Variants in RIT2 observed in about 807,000 individuals in gnomAD.
RIT2 encodes GTP-binding protein Rit2.
In RIT2, 24 loss-of-function variants were observed where a neutral mutation model predicts 23.7. The ratio of observed to expected loss-of-function variants is 1.01; its 90% CI spans 0.73 to 1.43. The LOEUF is 1.43. Ranked by LOEUF, RIT2 falls within the 40% of genes most tolerant of loss-of-function variation. The pLI is 0.00. For synonymous variants in RIT2, 107 were observed against 91.1 expected, an observed-to-expected ratio of 1.17 and a Z score of -0.99; for missense variants, 236 against 266.9, an observed-to-expected ratio of 0.88 and a Z score of 0.81.
At chr18:42,743,832 C>G (rs1203739749) in intron 4 of RIT2, 112 bp from the exon 5 acceptor site, 3 of 745,638 alleles carry the variant, frequency 4.0e-6, no homozygotes, top group East Asian at 2.7e-5. Context: ...GCCAAGCCAT[C>G]GTATCCCCTG....
chr18:43,068,733 G>T (rs1275571503), intron 1 of RIT2, among the ~76,000 whole-genome samples: 2 of 152,024 alleles, frequency 1.3e-5, no homozygotes, highest in African/African-American at 4.8e-5. Context: ...AATTGGTAAG[G>T]TAGTAATTGA....
chr18:43,041,936 T>G (rs1361064383), intron 1 of RIT2, among the ~76,000 whole-genome samples: 1 of 152,044 alleles, frequency 6.6e-6, no homozygotes, highest in Non-Finnish European at 1.5e-5. Context: ...AAATAATATA[T>G]ATATATAGCA....
intron 4 of RIT2, among the ~76,000 whole-genome samples, chr18:42,801,253 A>C (rs1905533559): frequency 6.6e-6 from 1 of 152,170 alleles, no homozygotes. Flanking sequence ...CTAATCCCAG[A>C]CTAGTTTTGA....
chr18:42,937,741 A>C (rs1294965477), intron 3 of RIT2, among the ~76,000 whole-genome samples: 1 of 152,194 alleles, frequency 6.6e-6, no homozygotes, highest in Non-Finnish European at 1.5e-5. Flanking sequence ...TATTTCTGGG[A>C]GTTAACATAA....
At chr18:43,069,766 T>A (rs1912856489) in intron 1 of RIT2, among the ~76,000 whole-genome samples, 1 of 152,154 alleles carries the variant, frequency 6.6e-6, no homozygotes, top group Non-Finnish European at 1.5e-5. Flanking sequence ...AACTTATTGA[T>A]GTTTCTTTCT....
intron 4 of RIT2, among the ~76,000 whole-genome samples, chr18:42,795,113 C>A (rs907556132): frequency 6.6e-6 from 1 of 152,232 alleles, no homozygotes; most frequent in African/African-American, 2.4e-5. Context: ...CGCTCGCTCT[C>A]GGCACCTCCT....
chr18:43,075,454 T>C (rs541360794), intron 1 of RIT2, among the ~76,000 whole-genome samples: 1 of 152,198 alleles, frequency 6.6e-6, no homozygotes, highest in African/African-American at 2.4e-5. Flanking sequence ...TAAATCTTAA[T>C]GTTTAATTAG....
At chr18:43,052,906 G>T (rs1057323966) in intron 1 of RIT2, among the ~76,000 whole-genome samples, 1 of 151,974 alleles carries the variant, frequency 6.6e-6, no homozygotes, top group Non-Finnish European at 1.5e-5. Context: ...ACCAGTAAAG[G>T]CACATTGCAT....
At chr18:43,074,865 G>C (rs563448299) in intron 1 of RIT2, among the ~76,000 whole-genome samples, 1 of 152,202 alleles carries the variant, frequency 6.6e-6, no homozygotes, top group South Asian at 2.1e-4. Flanking sequence ...ATGGATGCAG[G>C]GAGGGGAACA....
At chr18:42,851,451 G>A (rs993472100) in intron 4 of RIT2, among the ~76,000 whole-genome samples, 8 of 152,216 alleles carry the variant, frequency 5.3e-5, no homozygotes, top group Non-Finnish European at 1.0e-4. Flanking sequence ...CTCAAAACAT[G>A]TGCTCAATGT....
chr18:42,802,623 G>C (rs1163398816), intron 4 of RIT2, among the ~76,000 whole-genome samples: 1 of 152,152 alleles, frequency 6.6e-6, no homozygotes, highest in Non-Finnish European at 1.5e-5. Flanking sequence ...TATTTATTTT[G>C]TAAACAATTC....
intron 4 of RIT2, among the ~76,000 whole-genome samples, chr18:42,808,282 A>C (rs866280532): frequency 1.3e-5 from 2 of 152,226 alleles, no homozygotes; most frequent in Admixed American, 1.3e-4. Context: ...CCATACTCAG[A>C]GGTCTGCATT....
chr18:42,947,050 C>A (rs1327976815), intron 3 of RIT2, among the ~76,000 whole-genome samples: 3 of 152,040 alleles, frequency 2.0e-5, no homozygotes, highest in Non-Finnish European at 4.4e-5. Flanking sequence ...AAAATTATAA[C>A]TATGAATATG....
At chr18:42,956,235 C>T (rs1909968225) in intron 3 of RIT2, among the ~76,000 whole-genome samples, 1 of 152,090 alleles carries the variant, frequency 6.6e-6, no homozygotes, top group Admixed American at 6.6e-5. Flanking sequence ...ACCCACACTC[C>T]ACATCTCTGC....
intron 4 of RIT2, among the ~76,000 whole-genome samples, chr18:42,787,830 A>G (rs1426105806): frequency 6.6e-6 from 1 of 152,110 alleles, no homozygotes; most frequent in Non-Finnish European, 1.5e-5. Flanking sequence ...CTTAAAAATT[A>G]TTGAGAATTC....
At chr18:42,960,222 C>T (rs1203334546) in intron 3 of RIT2, among the ~76,000 whole-genome samples, 2 of 152,140 alleles carry the variant, frequency 1.3e-5, no homozygotes, top group African/African-American at 4.8e-5. Flanking sequence ...CATATTTTCA[C>T]GGTCAAAACC....
chr18:43,049,795 C>T (rs980869476), intron 1 of RIT2, among the ~76,000 whole-genome samples: 4 of 151,850 alleles, frequency 2.6e-5, no homozygotes, highest in South Asian at 2.1e-4. Context: ...AGGCAACAAG[C>T]GGTATTCAGG....
intron 4 of RIT2, among the ~76,000 whole-genome samples, chr18:42,888,681 T>C (rs1445264092): frequency 6.6e-6 from 1 of 151,970 alleles, no homozygotes; most frequent in Non-Finnish European, 1.5e-5. Flanking sequence ...AATAGTAGAT[T>C]AGATAAAGAA....
intron 1 of RIT2, among the ~76,000 whole-genome samples, chr18:43,085,332 T>C (rs960495875): frequency 6.6e-6 from 1 of 152,122 alleles, no homozygotes; most frequent in African/African-American, 2.4e-5. Flanking sequence ...CTCACAACCT[T>C]ATTGGGTTTT....
Sources: gnomAD v4.1 joint callset for allele counts (sites outside exome capture counted in the v4.1 genomes callset) on GRCh38, gnomAD v4.1.1 for gene constraint, MANE v1.5 for transcripts, NCBI Gene and HGNC (gene_info 2026-07-23, HGNC 2026-07-21) for gene names.